LRP1B: variants seen among roughly 807,000 people sequenced by gnomAD.
LRP1B encodes LDL receptor related protein 1B.
A neutral mutation model predicts 556.6 loss-of-function variants in LRP1B; 217 were observed. The ratio of observed to expected loss-of-function variants is 0.39; its 90% confidence interval spans 0.35 to 0.44. LRP1B has a LOEUF of 0.44. LRP1B is among the 20% of genes least tolerant of loss of function. The pLI is 1.00. For missense variants in LRP1B, 5,053 were observed against 5,620.8 expected (o/e 0.90, Z 3.23); for synonymous variants, 2,047 against 1,865.8 (o/e 1.10, Z -2.50).
intron 15 of LRP1B, among the ~76,000 whole-genome samples, chr2:141,004,888 T>C (rs924001345): frequency 6.6e-6 from 1 of 152,042 alleles, no homozygotes; most frequent in Non-Finnish European, 1.5e-5. Context: ...TAATTCACTA[T>C]TTGGATAGTC....
chr2:141,846,724 C>T (rs78330049), intron 1 of LRP1B, among the ~76,000 whole-genome samples: 12,299 of 150,982 alleles, frequency 0.081, 658 homozygotes, highest in Non-Finnish European at 0.12. Context: ...TATTAATGAC[C>T]TAAAGTATCC....
chr2:142,075,303 G>A (rs763833518), intron 1 of LRP1B, among the ~76,000 whole-genome samples: 2 of 151,788 alleles, frequency 1.3e-5, no homozygotes, highest in Non-Finnish European at 2.9e-5. Flanking sequence ...GCAGAATAGG[G>A]TGTATTAATA....
intron 2 of LRP1B, among the ~76,000 whole-genome samples, chr2:141,802,612 G>A (rs1332553594): frequency 2.6e-5 from 4 of 152,058 alleles, no homozygotes; most frequent in Non-Finnish European, 5.9e-5. Context: ...TGGAAGACAT[G>A]GGGAGAGGGA....
intron 75 of LRP1B, among the ~76,000 whole-genome samples, chr2:140,353,470 A>G (rs2105123375): frequency 6.6e-6 from 1 of 152,222 alleles, no homozygotes; most frequent in East Asian, 1.9e-4. Flanking sequence ...TCACGCAAAT[A>G]GACCTGTCTT....
chr2:141,424,717 T>C (rs1202738417), intron 3 of LRP1B, among the ~76,000 whole-genome samples: 1 of 152,298 alleles, frequency 6.6e-6, no homozygotes, highest in East Asian at 1.9e-4. Context: ...ATTTTTGTTA[T>C]TGCAGTGTTC....
intron 3 of LRP1B, among the ~76,000 whole-genome samples, chr2:141,316,523 C>G (rs1291713236): frequency 6.6e-6 from 1 of 151,918 alleles, no homozygotes; most frequent in African/African-American, 2.4e-5. Context: ...ACAGAAAAGC[C>G]AAGGGCACAA....
At position 141,668,413 on chromosome 2, in the gene LRP1B, CT is replaced by C. The variant is rs759583177; in HGVS notation, c.205+141865del. ...TTGCCTTTTGGCCCACCACACCCCC[CT>C]ATCCTATATCCATATAAACTTCAAA... On this transcript the variant is annotated intron_variant, in intron 2 of 90. Coordinates refer to ENST00000389484, the MANE Select transcript of LRP1B (RefSeq NM_018557.3). 3.9e-5 allele frequency among the ~76,000 whole-genome samples: 6 copies of C among 152,134 alleles called. No homozygotes were observed. The South Asian group carries it at 8.3e-4, about 21-fold the overall frequency.
chr2:141,245,380 A>G (rs1450104567), intron 5 of LRP1B, among the ~76,000 whole-genome samples: 2 of 152,282 alleles, frequency 1.3e-5, no homozygotes, highest in East Asian at 1.9e-4. Flanking sequence ...AAATCATAAC[A>G]TGAGGTCATG....
At chr2:140,324,535 T>A (rs1172273255) in intron 80 of LRP1B, among the ~76,000 whole-genome samples, 5 of 152,084 alleles carry the variant, frequency 3.3e-5, no homozygotes, top group African/African-American at 1.2e-4. Flanking sequence ...CCAAAAATAA[T>A]ATTTGACATT....
intron 86 of LRP1B, among the ~76,000 whole-genome samples, chr2:140,259,419 ACAT>A (rs1206838607): frequency 1.4e-4 from 21 of 152,058 alleles, no homozygotes; most frequent in Non-Finnish European, 2.5e-4. Context: ...AACTCAAGAA[ACAT>A]CATATAACAG....
chr2:140,641,399 G>T (rs979420000), intron 41 of LRP1B, among the ~76,000 whole-genome samples: 3 of 152,106 alleles, frequency 2.0e-5, no homozygotes, highest in African/African-American at 7.2e-5. Context: ...CTTTATAATA[G>T]AATATAACTC....
chr2:140,285,310 TATAC>T (rs1395308700), intron 84 of LRP1B, among the ~76,000 whole-genome samples: 10 of 107,106 alleles, frequency 9.3e-5, no homozygotes, highest in Non-Finnish European at 2.1e-4. Flanking sequence ...GGTGTGTATA[TATAC>T]ATACACACAC....
intron 79 of LRP1B, among the ~76,000 whole-genome samples, chr2:140,327,696 A>G (rs1345372803): frequency 1.3e-5 from 2 of 152,056 alleles, no homozygotes; most frequent in African/African-American, 4.8e-5. Context: ...ATTAATATTG[A>G]TAATCACAGA....
chr2:141,836,520 G>A (rs532694348), intron 1 of LRP1B, among the ~76,000 whole-genome samples: 1 of 151,752 alleles, frequency 6.6e-6, no homozygotes, highest in Admixed American at 6.6e-5. Flanking sequence ...TCAAACAGCT[G>A]CTAGAGATAA....
chr2:141,745,445 A>G (rs1248348840), intron 2 of LRP1B, among the ~76,000 whole-genome samples: 1 of 151,852 alleles, frequency 6.6e-6, no homozygotes, highest in African/African-American at 2.4e-5. Context: ...GAGGAGCCTC[A>G]CCCTATGGCC....
chr2:141,339,484 CA>C (rs1489492589), intron 3 of LRP1B, among the ~76,000 whole-genome samples: 2 of 152,110 alleles, frequency 1.3e-5, no homozygotes, highest in African/African-American at 4.8e-5. Flanking sequence ...TGCCAGTCAG[CA>C]AGTTAAACAT....
At chr2:141,237,895 T>A in intron 5 of LRP1B, among the ~76,000 whole-genome samples, 1 of 152,130 alleles carries the variant, frequency 6.6e-6, no homozygotes, top group Non-Finnish European at 1.5e-5. Flanking sequence ...TGGCAAGTGT[T>A]TAGTACATGA....
intron 1 of LRP1B, among the ~76,000 whole-genome samples, chr2:141,987,549 G>GTTTTTTTTTTTTT (rs5834887): frequency 5.0e-5 from 7 of 139,946 alleles, no homozygotes; most frequent in East Asian, 4.1e-4. Flanking sequence ...GATTTAAGCT[G>GTTTTTTTTTTTTT]TTTTTTTTTT....
intron 1 of LRP1B, among the ~76,000 whole-genome samples, chr2:141,891,229 CAGAG>C (rs1285223705): frequency 6.6e-6 from 1 of 151,878 alleles, no homozygotes; most frequent in East Asian, 1.9e-4. Flanking sequence ...TTGGAAAAAG[CAGAG>C]AGAGAGAAGG....
Sources: gnomAD v4.1 joint callset for allele counts (sites outside exome capture counted in the v4.1 genomes callset) on GRCh38, gnomAD v4.1.1 for gene constraint, MANE v1.5 for transcripts, NCBI Gene and HGNC (gene_info 2026-07-23, HGNC 2026-07-21) for gene names.